EDNRB: variants seen among roughly 807,000 people sequenced by gnomAD.
EDNRB encodes the protein endothelin receptor type B.
Under a neutral mutation model 46.4 loss-of-function variants are expected in EDNRB, and 18 were observed. The observed-to-expected ratio is 0.39, with a 90% CI of 0.27 to 0.57. The LOEUF (loss-of-function observed/expected upper bound fraction) is 0.57, where lower values mean the gene tolerates loss of function less well. Among genes scored for constraint, EDNRB ranks in the 20% least tolerant of loss-of-function variants. The pLI, the probability that EDNRB is intolerant of heterozygous loss-of-function variation, is 0.61. For missense variants in EDNRB, 434 were observed against 537.5 expected (o/e 0.81, Z 1.90); for synonymous variants, 213 against 204.9 (o/e 1.04, Z -0.34).
chr13:77,938,924 G>A (rs1880649463), intron 1 of EDNRB, among the ~76,000 whole-genome samples: 1 of 152,176 alleles, frequency 6.6e-6, no homozygotes, highest in African/African-American at 2.4e-5. Context: ...AGAGCAGGAG[G>A]ACAGGGGATT....
chr13:77,913,262 T>C (rs902885531), intron 1 of EDNRB, among the ~76,000 whole-genome samples: 6 of 152,142 alleles, frequency 3.9e-5, no homozygotes, highest in African/African-American at 9.6e-5. Flanking sequence ...TAATGTTATA[T>C]GTTCCCACCC....
chr13:77,924,375 C>G (rs1317279437), upstream of EDNRB, among the ~76,000 whole-genome samples: 1 of 152,148 alleles, frequency 6.6e-6, no homozygotes, highest in Non-Finnish European at 1.5e-5. Flanking sequence ...GGGAAATGCA[C>G]AGGCGACTTA....
chr13:77,945,147 G>T (rs989821510), intron 1 of EDNRB, among the ~76,000 whole-genome samples: 2 of 152,102 alleles, frequency 1.3e-5, no homozygotes, highest in Non-Finnish European at 2.9e-5. Flanking sequence ...CAGTCTCAGG[G>T]TTGCATGGCT....
chr13:77,964,029 A>ATT (rs1470080534), intron 1 of EDNRB, among the ~76,000 whole-genome samples: 1 of 152,238 alleles, frequency 6.6e-6, no homozygotes, highest in African/African-American at 2.4e-5. Flanking sequence ...AATGTGCCTC[A>ATT]TCACTGGCCA....
chr13:77,903,714 T>G, intron 1 of EDNRB, 107 bp from the exon 2 acceptor site: 1 of 920,224 alleles, frequency 1.1e-6, no homozygotes, highest in East Asian at 2.5e-5. Flanking sequence ...TAAACTCTGG[T>G]TGTCATTCTT....
chr13:77,957,989 G>C (rs1455624211), intron 1 of EDNRB, among the ~76,000 whole-genome samples: 1 of 152,160 alleles, frequency 6.6e-6, no homozygotes, highest in Non-Finnish European at 1.5e-5. Context: ...AAAATGTTGA[G>C]TGATTAATTT....
upstream of EDNRB, chr13:77,918,909 A>T: frequency 3.3e-6 from 4 of 1,221,854 alleles, no homozygotes; most frequent in Non-Finnish European, 4.1e-6. This position sits in a 1 kb window ranked among gnomAD's most constrained non-coding sequence, Gnocchi z 4.5. Context: ...GGAGGGAATG[A>T]TGGGGGTCCC....
upstream of EDNRB, among the ~76,000 whole-genome samples, chr13:77,924,589 A>G (rs1325824757): frequency 1.3e-5 from 2 of 152,242 alleles, no homozygotes; most frequent in Non-Finnish European, 2.9e-5. Context: ...TTAAGTGTAC[A>G]CTTCAATTGT....
At chr13:77,970,057 A>AT (rs1566343500) in intron 1 of EDNRB, among the ~76,000 whole-genome samples, 1 of 152,212 alleles carries the variant, frequency 6.6e-6, no homozygotes, top group Non-Finnish European at 1.5e-5. Context: ...AAATTCCAAG[A>AT]TTTTTTAGGA....
At chr13:77,914,888 A>G (rs138355446) in intron 1 of EDNRB, among the ~76,000 whole-genome samples, 83 of 152,324 alleles carry the variant, frequency 5.4e-4, no homozygotes, top group African/African-American at 1.7e-3. Flanking sequence ...ATTAAACTCT[A>G]GATTAATGGA....
rs537217302 is a variant in EDNRB at position 77,903,488 on chromosome 13, C to T, written c.596+7G>A. The T allele has an allele frequency of 6.2e-7, 1 of 1,612,318 alleles. No individual in the cohort carries two copies. The highest frequency in any genetic ancestry group is 1.7e-5 in the Admixed American group (1 of 59,836). ...AGAATATACTTGGATTAAATAGAAGCTTCTACCTGTCAATACTCAGAGCAC... is the reference window on the plus strand; with the variant it reads ...AGAATATACTTGGATTAAATAGAAGTTTCTACCTGTCAATACTCAGAGCAC... On this transcript the variant is annotated splice_region_variant and intron_variant, in intron 2 of 6. Transcript: ENST00000646607.
At chr13:77,944,857 G>A (rs1883342175) in intron 1 of EDNRB, 1 of 152,150 alleles carries the variant, frequency 6.6e-6, no homozygotes, top group Non-Finnish European at 1.5e-5. Flanking sequence ...AATCCCAGAA[G>A]CTAAGATGAA....
At chr13:77,907,286 T>C (rs1160803647) in intron 1 of EDNRB, among the ~76,000 whole-genome samples, 1 of 151,940 alleles carries the variant, frequency 6.6e-6, no homozygotes, top group African/African-American at 2.4e-5. Flanking sequence ...AGGGCCTGAA[T>C]AGAACAAAAG....
At chr13:77,923,462 A>G (rs1424985653), upstream of EDNRB, among the ~76,000 whole-genome samples, 1 of 152,180 alleles carries the variant, frequency 6.6e-6, no homozygotes, top group African/African-American at 2.4e-5. Context: ...GTCAATGCAC[A>G]CTGTATTTAT....
At chr13:77,919,551 A>C, upstream of EDNRB, 10 of 1,612,654 alleles carry the variant, frequency 6.2e-6, no homozygotes, top group Non-Finnish European at 8.5e-6. Context: ...CGAGAATGCC[A>C]GACAGTGTAG....
rs936183003 is a variant in EDNRB at position 77,918,076 on chromosome 13, G to C, written c.483+15C>G. ...CTTCCTCAAGCCCACCATGATTTCA[G>C]CAGGCGCCCTTTACCTTGTAGACAT... is the stretch of plus-strand genomic sequence containing the variant. On this transcript the variant is annotated intron_variant, in intron 1 of 6. Transcript: ENST00000646607. This position sits in a 1 kb window ranked among gnomAD's most constrained non-coding sequence, Gnocchi z 4.5. 1.9e-6 allele frequency: 3 copies of C among 1,613,804 alleles called. No homozygotes were observed. The highest frequency in any genetic ancestry group is 2.2e-5 in the East Asian group (1 of 44,894).
At chr13:77,910,821 A>G (rs1035268473) in intron 1 of EDNRB, among the ~76,000 whole-genome samples, 7 of 152,024 alleles carry the variant, frequency 4.6e-5, no homozygotes, top group Non-Finnish European at 5.9e-5. Context: ...GCCTTTTCAC[A>G]GCTCTGGAAA....
At chr13:77,932,161 A>G (rs143403936) in intron 1 of EDNRB, among the ~76,000 whole-genome samples, 2 of 152,296 alleles carry the variant, frequency 1.3e-5, no homozygotes, top group African/African-American at 4.8e-5. Flanking sequence ...CGGAAGAGGA[A>G]GATGAAAGAG....
intron 1 of EDNRB, among the ~76,000 whole-genome samples, chr13:77,972,781 G>A (rs1276915274): frequency 2.6e-5 from 4 of 152,328 alleles, no homozygotes; most frequent in Non-Finnish European, 5.9e-5. Context: ...AGAAGAAAGA[G>A]TAATAGAATA....
Sources: gnomAD v4.1 joint callset for allele counts (sites outside exome capture counted in the v4.1 genomes callset) on GRCh38, gnomAD v4.1.1 for gene constraint, Gnocchi (gnomAD v3.1) non-coding constraint, MANE v1.5 for transcripts, NCBI Gene and HGNC (gene_info 2026-07-23, HGNC 2026-07-21) for gene names.